Variants in TNPO1 observed in about 807,000 individuals in gnomAD.
TNPO1 encodes the protein transportin 1.
A neutral mutation model predicts 119.5 loss-of-function variants in TNPO1; 8 were observed. The observed-to-expected ratio is 0.07, with a 90% CI of 0.04 to 0.12. The LOEUF is 0.12. Ranked by LOEUF, TNPO1 falls within the 10% of genes least tolerant of loss-of-function variation. TNPO1 has a pLI of 1.00. For synonymous variants in TNPO1, 362 were observed against 363.0 expected, an observed-to-expected ratio of 1.00 and a Z score of 0.03; for missense variants, 576 against 1,089.8, an observed-to-expected ratio of 0.53 and a Z score of 6.64.
rs571855453 is a variant in TNPO1, at chr5:72,819,554, T to C, written c.15+2802T>C. Among the ~76,000 whole-genome samples the C allele has an allele frequency of 6.6e-5, 10 of 152,224 alleles. No homozygotes were observed. In the South Asian group the frequency reaches 2.1e-3, roughly 32 times the overall value. ...TTGTCCTGGAATTTTCTGGAGTAGA[T>C]AGAATACATATAGGAATAGTGGCTA... is the stretch of plus-strand genomic sequence containing the variant. On this transcript the variant is annotated intron_variant, in intron 1 of 24. Coordinates refer to ENST00000337273, the MANE Select transcript of TNPO1 (RefSeq NM_002270.4).
At chr5:72,890,066 G>GCTAA in intron 14 of TNPO1, 109 bp downstream of exon 14, 2 of 1,210,338 alleles carry the variant, frequency 1.7e-6, no homozygotes, top group Non-Finnish European at 2.3e-6. Context: ...TGAATAGTTA[G>GCTAA]CGTTAGCTAC....
intron 1 of TNPO1, among the ~76,000 whole-genome samples, chr5:72,820,326 A>G (rs1743898277): frequency 6.6e-6 from 1 of 152,228 alleles, no homozygotes. Flanking sequence ...CAAAGTAAAC[A>G]TCCAAAGCTC....
chr5:72,846,445 G>A (rs1273578628), intron 1 of TNPO1, among the ~76,000 whole-genome samples: 1 of 152,062 alleles, frequency 6.6e-6, no homozygotes, highest in Non-Finnish European at 1.5e-5. Context: ...TAAAAAAAGA[G>A]GAAAAATATA....
At chr5:72,848,755 A>G (rs966798898) in intron 2 of TNPO1, among the ~76,000 whole-genome samples, 215 of 144,326 alleles carry the variant, frequency 1.5e-3, no homozygotes, top group African/African-American at 5.1e-3. Context: ...TCCGGCGCGC[A>G]GGAGGCGGGG....
chr5:72,861,657 G>A, intron 4 of TNPO1, 151 bp from the exon 5 acceptor site: 1 of 565,970 alleles, frequency 1.8e-6, no homozygotes, highest in Non-Finnish European at 3.2e-6. Context: ...GCCCGCCTCG[G>A]CCTCCCAGAA....
intron 6 of TNPO1, among the ~76,000 whole-genome samples, chr5:72,870,971 CAG>C (rs1747350831): frequency 6.6e-6 from 1 of 152,024 alleles, no homozygotes; most frequent in Non-Finnish European, 1.5e-5. Flanking sequence ...GTTTTTGAGA[CAG>C]AGTTGGTTTT....
At chr5:72,842,190 A>G (rs906567054) in intron 1 of TNPO1, among the ~76,000 whole-genome samples, 20 of 152,012 alleles carry the variant, frequency 1.3e-4, no homozygotes, top group Non-Finnish European at 2.5e-4. Flanking sequence ...TTTCTCTTTT[A>G]CCTCACCACA....
chr5:72,880,723 G>A (rs1356092246), intron 9 of TNPO1, among the ~76,000 whole-genome samples: 1 of 150,380 alleles, frequency 6.6e-6, no homozygotes, highest in Admixed American at 6.7e-5. Context: ...GGCTGAGGCA[G>A]GAGAATAGCT....
intron 9 of TNPO1, among the ~76,000 whole-genome samples, chr5:72,878,013 T>C (rs1293154546): frequency 6.6e-6 from 1 of 152,152 alleles, no homozygotes; most frequent in Non-Finnish European, 1.5e-5. Flanking sequence ...ATTTAATGGT[T>C]TGTTCTTTTC....
Position 72,912,401 on chromosome 5 carries a change from T to C in TNPO1, c.*3728T>C, listed in dbSNP as rs573335616. On this transcript the variant is annotated 3_prime_UTR_variant, in exon 25 of 25. Transcript: ENST00000337273. ...TTAAACTAATTTCAATGGATTTTCC[T>C]CTTGAAATGCTTTGTCTACTCAGTT... 1.3e-5 allele frequency: 2 copies of C among 152,634 alleles called. No individual in the cohort carries two copies. Among genetic ancestry groups the C allele is most frequent in the East Asian group, 3.9e-4 (2 of 5,190 alleles). The allele number at this position is 152,634 out of a possible 1,614,324, so 9.5% of individuals were successfully genotyped here.
chr5:72,819,894 A>G (rs1435481959), intron 1 of TNPO1, among the ~76,000 whole-genome samples: 2 of 152,214 alleles, frequency 1.3e-5, no homozygotes, highest in Non-Finnish European at 2.9e-5. Context: ...TGGGCCTGAC[A>G]TGTATTAACT....
chr5:72,834,584 T>G (rs902281464), intron 1 of TNPO1, among the ~76,000 whole-genome samples: 1 of 152,148 alleles, frequency 6.6e-6, no homozygotes, highest in African/African-American at 2.4e-5. Context: ...GAGAAAATAT[T>G]TTTGTATAGC....
intron 23 of TNPO1, among the ~76,000 whole-genome samples, chr5:72,904,324 C>T (rs556338022): frequency 2.6e-5 from 4 of 152,258 alleles, no homozygotes; most frequent in African/African-American, 9.6e-5. Flanking sequence ...AATTGTATTG[C>T]TTGGATGACT....
At chr5:72,859,374 C>A (rs1230129700) in intron 4 of TNPO1, among the ~76,000 whole-genome samples, 1 of 152,162 alleles carries the variant, frequency 6.6e-6, no homozygotes, top group African/African-American at 2.4e-5. Context: ...TAGACCATGC[C>A]ACGTGTTGGG....
In TNPO1 at chr5:72,882,891, G is replaced by A. The variant is rs569715901; in HGVS notation, c.982-173G>A. 1.6e-4 allele frequency among the ~76,000 whole-genome samples: 24 copies of A among 152,126 alleles called. No homozygotes were observed. In the South Asian group the frequency reaches 4.4e-3, roughly 28 times the overall value. On this transcript the variant is annotated intron_variant, in intron 10 of 24. Transcript: ENST00000337273. ...ACAGGTGTGTTAGGTCAGTCTATTC[G>A]CCCCTCCATAAGGAATATGTTCTGT...
At chr5:72,862,026 C>G in intron 5 of TNPO1, 112 bp downstream of exon 5, 1 of 672,504 alleles carries the variant, frequency 1.5e-6, no homozygotes, top group Non-Finnish European at 2.5e-6. Context: ...CTTCTCAAAA[C>G]TTAGAAACCT....
At chr5:72,831,955 CTTT>C (rs1415581003) in intron 1 of TNPO1, among the ~76,000 whole-genome samples, 1 of 151,864 alleles carries the variant, frequency 6.6e-6, no homozygotes, top group Non-Finnish European at 1.5e-5. Flanking sequence ...AATTAACCTT[CTTT>C]TTTTGATTGT....
At position 72,854,958 on chromosome 5, in the gene TNPO1, T is replaced by C. The variant is rs919204260; in HGVS notation, c.206-816T>C. Among the ~76,000 whole-genome samples the C allele has an allele frequency of 9.5e-4, 145 of 152,194 alleles. 1 individual carries two copies. Among genetic ancestry groups the C allele is most frequent in the African/African-American group, 3.4e-3 (142 of 41,438 alleles). On this transcript the variant is annotated intron_variant, in intron 3 of 24. Transcript: ENST00000337273. ...TTGTCCACTTAATTTTTCAATATTA[T>C]ATTTTTTTGACACTGGAGGAAAATG... is the stretch of plus-strand genomic sequence containing the variant.
In TNPO1 at chr5:72,910,692, A is replaced by C. The variant is rs1750503050; in HGVS notation, c.*2019A>C. ...CTATTCTCTAAAAGTGTTGAATGAT[A>C]CAGCCATTGCACTGAAGTTTGAGCT... On this transcript the variant is annotated 3_prime_UTR_variant, in exon 25 of 25. Coordinates refer to ENST00000337273, the MANE Select transcript of TNPO1 (RefSeq NM_002270.4). 1 of 152,408 alleles carries C rather than the reference A, an allele frequency of 6.6e-6. No homozygotes were observed. Among genetic ancestry groups the C allele is most frequent in the Non-Finnish European group, 1.5e-5 (1 of 67,978 alleles). 9.4% of individuals were successfully genotyped at this position (152,408 alleles called of 1,614,324 possible).
Sources: allele counts gnomAD v4.1 joint callset (sites outside exome capture counted in the v4.1 genomes callset), GRCh38; gene constraint gnomAD v4.1.1; transcripts MANE v1.5; gene names NCBI Gene and HGNC (gene_info 2026-07-23, HGNC 2026-07-21).